ZC2HC1A: variants seen among roughly 807,000 people sequenced by gnomAD.
ZC2HC1A encodes zinc finger C2HC-type containing 1A.
ZC2HC1A carries 28 observed loss-of-function variants against 40.7 expected under a neutral mutation model. The observed-to-expected ratio is 0.69, with a 90% CI of 0.51 to 0.94. The LOEUF is 0.94. Ranked by LOEUF, ZC2HC1A falls within the 40% of genes least tolerant of loss-of-function variation. The pLI is 0.00. For missense variants in ZC2HC1A, 389 were observed against 386.3 expected (o/e 1.01, Z -0.06); for synonymous variants, 129 against 129.2 (o/e 1.00, Z 0.01).
chr8:78,717,497 G>T lies in ZC2HC1A; in HGVS notation c.*4G>T. On this transcript the variant is annotated 3_prime_UTR_variant, in exon 9 of 9. Transcript: ENST00000263849. ...CATTCGAAGAATGATTCTATGAATA[G>T]AATCTCAAAAAAAAAAAAAAGCCAA... 3.6e-6 allele frequency: 5 copies of T among 1,379,078 alleles called. No homozygotes were observed. Among genetic ancestry groups the T allele is most frequent in the East Asian group, 2.8e-5 (1 of 36,118 alleles). The allele number at this position is 1,379,078 out of a possible 1,614,324, so 85.4% of individuals were successfully genotyped here.
At chr8:78,681,760 T>C (rs1414134907) in intron 3 of ZC2HC1A, among the ~76,000 whole-genome samples, 1 of 152,156 alleles carries the variant, frequency 6.6e-6, no homozygotes, top group East Asian at 1.9e-4. Context: ...TTGTTGTGTT[T>C]TCCAAGGACA....
At chr8:78,674,140 G>A (rs942660738) in intron 1 of ZC2HC1A, among the ~76,000 whole-genome samples, 3 of 151,998 alleles carry the variant, frequency 2.0e-5, no homozygotes, top group Non-Finnish European at 4.4e-5. Context: ...AGCTTTATGA[G>A]AGCAATAATT....
chr8:78,669,529 A>G (rs1809383986), intron 1 of ZC2HC1A, among the ~76,000 whole-genome samples: 1 of 143,906 alleles, frequency 6.9e-6, no homozygotes, highest in South Asian at 2.1e-4. Flanking sequence ...CAAGAGAGAA[A>G]GGACTTTAAA....
At chr8:78,670,218 C>T (rs1809404671) in intron 1 of ZC2HC1A, among the ~76,000 whole-genome samples, 2 of 151,958 alleles carry the variant, frequency 1.3e-5, no homozygotes, top group African/African-American at 2.4e-5. Context: ...CTGCCTGCCT[C>T]GACGTCCCAA....
At chr8:78,675,060 CT>C (rs1333505519) in intron 1 of ZC2HC1A, among the ~76,000 whole-genome samples, 2 of 150,826 alleles carry the variant, frequency 1.3e-5, no homozygotes, top group Non-Finnish European at 3.0e-5. Context: ...AATGCAGTTT[CT>C]TTTTTTGTAG....
intron 3 of ZC2HC1A, among the ~76,000 whole-genome samples, chr8:78,683,796 C>G (rs539880714): frequency 2.6e-5 from 4 of 152,210 alleles, no homozygotes; most frequent in African/African-American, 9.6e-5. Flanking sequence ...ATATATTCTG[C>G]TTCCTCTTGA....
chr8:78,695,090 G>T (rs1810354399), intron 5 of ZC2HC1A, among the ~76,000 whole-genome samples: 1 of 152,150 alleles, frequency 6.6e-6, no homozygotes, highest in Non-Finnish European at 1.5e-5. Flanking sequence ...AAAACAGCAA[G>T]ATACCGAGGG....
intron 4 of ZC2HC1A, among the ~76,000 whole-genome samples, chr8:78,687,798 AT>A (rs1810061380): frequency 7.3e-6 from 1 of 136,144 alleles, no homozygotes; most frequent in Non-Finnish European, 1.5e-5. Flanking sequence ...AATACATTAT[AT>A]ATATTCATGT....
chr8:78,680,914 C>T (rs1809756142), intron 3 of ZC2HC1A, among the ~76,000 whole-genome samples: 1 of 152,006 alleles, frequency 6.6e-6, no homozygotes, highest in African/African-American at 2.4e-5. Flanking sequence ...GGATAGCTAC[C>T]AGCTGGAATG....
intron 5 of ZC2HC1A, among the ~76,000 whole-genome samples, chr8:78,694,604 T>G (rs1022856153): frequency 3.9e-5 from 6 of 152,208 alleles, no homozygotes; most frequent in African/African-American, 1.4e-4. Flanking sequence ...CATTTGACAT[T>G]CAGTGCTTTT....
At chr8:78,668,555 G>A (rs1292827358) in intron 1 of ZC2HC1A, among the ~76,000 whole-genome samples, 2 of 152,026 alleles carry the variant, frequency 1.3e-5, no homozygotes, top group Non-Finnish European at 1.5e-5. Flanking sequence ...TTATTTGCAT[G>A]TAATCATATA....
chr8:78,668,306 G>T lies in ZC2HC1A; in HGVS notation c.16+2142G>T, dbSNP rs1585971350. On this transcript the variant is annotated intron_variant, in intron 1 of 8. Coordinates refer to ENST00000263849, the MANE Select transcript of ZC2HC1A (RefSeq NM_016010.3). Reference sequence around the variant, plus strand: ...AGGTAGTTTCTTACCTCTATTGGAAGTTAAAGTCTAGTACTTTGAAGGTGT... The same window carrying T: ...AGGTAGTTTCTTACCTCTATTGGAATTTAAAGTCTAGTACTTTGAAGGTGT... Among the ~76,000 whole-genome samples, 4 of 152,264 alleles carry T rather than the reference G, an allele frequency of 2.6e-5. No individual in the cohort carries two copies. The East Asian group carries it at 7.7e-4, about 29-fold the overall frequency.
chr8:78,667,589 A>G (rs1809333950), intron 1 of ZC2HC1A, among the ~76,000 whole-genome samples: 1 of 152,114 alleles, frequency 6.6e-6, no homozygotes, highest in Non-Finnish European at 1.5e-5. Context: ...CTGATTTTTC[A>G]CTTATGTATC....
In ZC2HC1A at chr8:78,698,401, T is replaced by C; in HGVS notation, c.605-13T>C. 1.3e-6 allele frequency: 2 copies of C among 1,598,946 alleles called. No individual in the cohort carries two copies. The highest frequency in any genetic ancestry group is 1.7e-6 in the Non-Finnish European group (2 of 1,172,426). ...TTAGAGTATTGTTAAAAATAATGCT[T>C]TTTTATTATAAGGTGTTCCTTCAGG... On this transcript the variant is annotated splice_polypyrimidine_tract_variant and intron_variant, in intron 6 of 8. Coordinates refer to ENST00000263849, the MANE Select transcript of ZC2HC1A (RefSeq NM_016010.3).
intron 7 of ZC2HC1A, among the ~76,000 whole-genome samples, chr8:78,710,534 A>G (rs761788844): frequency 6.6e-6 from 1 of 152,034 alleles, no homozygotes; most frequent in Non-Finnish European, 1.5e-5. Flanking sequence ...TATAAGAGGA[A>G]TATGTTTTTA....
intron 3 of ZC2HC1A, among the ~76,000 whole-genome samples, chr8:78,682,481 CT>C (rs1374904086): frequency 6.6e-6 from 1 of 152,100 alleles, no homozygotes; most frequent in African/African-American, 2.4e-5. Context: ...GGGAACTTCC[CT>C]TTTTAATAAA....
At chr8:78,686,409 A>G (rs567013940) in intron 3 of ZC2HC1A, 58 bp from the exon 4 acceptor site, 6 of 1,235,556 alleles carry the variant, frequency 4.9e-6, no homozygotes, top group East Asian at 5.9e-5. Context: ...TTTTATTTCA[A>G]TATACTAAAA....
chr8:78,699,648 C>T (rs774710783), intron 7 of ZC2HC1A, among the ~76,000 whole-genome samples: 11 of 151,952 alleles, frequency 7.2e-5, no homozygotes, highest in Admixed American at 1.3e-4. Context: ...GACTCCAGTA[C>T]GTGTTGTTCC....
At chr8:78,700,161 G>C (rs1249858582) in intron 7 of ZC2HC1A, among the ~76,000 whole-genome samples, 2 of 152,064 alleles carry the variant, frequency 1.3e-5, no homozygotes, top group African/African-American at 4.8e-5. Context: ...CAGCCATTCT[G>C]ACTAGTGTGA....
Sources: allele counts gnomAD v4.1 joint callset (sites outside exome capture counted in the v4.1 genomes callset), GRCh38; gene constraint gnomAD v4.1.1; transcripts MANE v1.5; gene names NCBI Gene and HGNC (gene_info 2026-07-23, HGNC 2026-07-21).